Variants in B3GALT1 observed in about 807,000 individuals in gnomAD.
The protein encoded by B3GALT1 is beta-1,3-galactosyltransferase 1.
Under a neutral mutation model 23.2 loss-of-function variants are expected in B3GALT1, and 10 were observed. That is an observed-to-expected ratio of 0.43 (90% CI 0.27 to 0.73). The LOEUF (loss-of-function observed/expected upper bound fraction) is 0.73, where lower values mean the gene tolerates loss of function less well. Among genes scored for constraint, B3GALT1 ranks in the 30% least tolerant of loss-of-function variants. The pLI is 0.21. For synonymous variants in B3GALT1, 156 were observed against 141.5 expected, an observed-to-expected ratio of 1.10 and a Z score of -0.73; for missense variants, 299 against 405.4, an observed-to-expected ratio of 0.74 and a Z score of 2.25.
chr2:167,558,641 C>T (rs1361391034), intron 2 of B3GALT1, among the ~76,000 whole-genome samples: 1 of 152,172 alleles, frequency 6.6e-6, no homozygotes, highest in Non-Finnish European at 1.5e-5. Flanking sequence ...GGAAATGGCG[C>T]ACCAGGAGAT....
rs1269572422 is a variant in B3GALT1, at chr2:167,869,647, T to G, written c.608T>G (p.Phe203Cys). The G allele has an allele frequency of 6.2e-7, 1 of 1,614,204 alleles. No individual in the cohort carries two copies. Among genetic ancestry groups the G allele is most frequent in the Non-Finnish European group, 8.5e-7 (1 of 1,180,038 alleles). The change falls in exon 5 of 5, where the codon TTT becomes TGT. Residue 203 changes from phenylalanine to cysteine, a missense_variant. Physicochemically the swap from Phe to Cys is radical, Grantham distance 205 (BLOSUM62 -2). Transcript: ENST00000392690. This position sits in a 1 kb window ranked among gnomAD's most constrained non-coding sequence, Gnocchi z 6.4. ...TCCACCAAGCCACGAAGAAGGTATTTTACTGGCTATGTCATTAATGGAGGA... is the reference window on the plus strand; with the variant it reads ...TCCACCAAGCCACGAAGAAGGTATTGTACTGGCTATGTCATTAATGGAGGA... Reference protein sequence around the residue: ...KPSTKPRRRYFTGYVINGGPI... With the variant: ...KPSTKPRRRYCTGYVINGGPI...
At chr2:167,475,493 A>C (rs1418483127) in intron 1 of B3GALT1, among the ~76,000 whole-genome samples, 2 of 152,018 alleles carry the variant, frequency 1.3e-5, no homozygotes, top group African/African-American at 4.8e-5. Context: ...GCTAAAATCT[A>C]CAGTAAAAAG....
intron 1 of B3GALT1, among the ~76,000 whole-genome samples, chr2:167,368,705 T>A (rs1391019172): frequency 6.6e-6 from 1 of 152,206 alleles, no homozygotes; most frequent in Non-Finnish European, 1.5e-5. Flanking sequence ...TAAAACGTTA[T>A]ATGATTCACA....
intron 4 of B3GALT1, among the ~76,000 whole-genome samples, chr2:167,848,276 C>T (rs1029410126): frequency 1.3e-5 from 2 of 151,940 alleles, no homozygotes; most frequent in African/African-American, 2.4e-5. Flanking sequence ...AAACCAGGAA[C>T]GGACATAACC....
chr2:167,556,492 G>A (rs1024052093), intron 2 of B3GALT1, among the ~76,000 whole-genome samples: 1 of 152,104 alleles, frequency 6.6e-6, no homozygotes, highest in African/African-American at 2.4e-5. Flanking sequence ...GGGAGATTAA[G>A]TAACATGAGG....
intron 3 of B3GALT1, among the ~76,000 whole-genome samples, chr2:167,752,279 C>T (rs1183053371): frequency 2.0e-5 from 3 of 152,010 alleles, no homozygotes; most frequent in African/African-American, 7.3e-5. Flanking sequence ...AAGAACAATA[C>T]TTTTAACCTT....
chr2:167,759,961 C>T (rs1317270228), intron 3 of B3GALT1, among the ~76,000 whole-genome samples: 1 of 152,086 alleles, frequency 6.6e-6, no homozygotes, highest in South Asian at 2.1e-4. Flanking sequence ...TTTAACTCCT[C>T]CTAGGGAAAG....
chr2:167,500,958 C>A (rs1699840751), intron 2 of B3GALT1, among the ~76,000 whole-genome samples: 1 of 152,052 alleles, frequency 6.6e-6, no homozygotes, highest in Non-Finnish European at 1.5e-5. Context: ...AGACCATTAA[C>A]TATAAATTGG....
chr2:167,426,398 G>C (rs148600249), intron 1 of B3GALT1, among the ~76,000 whole-genome samples: 1 of 151,168 alleles, frequency 6.6e-6, no homozygotes, highest in Non-Finnish European at 1.5e-5. Context: ...GCTCTGCCTC[G>C]CGAGTAGCTG....
chr2:167,584,625 C>T (rs1346815610), intron 2 of B3GALT1, among the ~76,000 whole-genome samples: 1 of 152,156 alleles, frequency 6.6e-6, no homozygotes, highest in African/African-American at 2.4e-5. Flanking sequence ...AATCGCAAGC[C>T]CTAAGTTGTT....
intron 1 of B3GALT1, among the ~76,000 whole-genome samples, chr2:167,436,175 A>C (rs1451171618): frequency 6.6e-6 from 1 of 152,138 alleles, no homozygotes; most frequent in Admixed American, 6.5e-5. Context: ...AGTAGATTCA[A>C]AGTGCTCACC....
chr2:167,495,304 CT>C (rs1273791990), intron 2 of B3GALT1, among the ~76,000 whole-genome samples: 1 of 92,940 alleles, frequency 1.1e-5, no homozygotes, highest in Non-Finnish European at 2.4e-5. Context: ...TGCCATTTTG[CT>C]TTTTTCGCCA....
At chr2:167,839,158 G>A (rs1470194207) in intron 4 of B3GALT1, among the ~76,000 whole-genome samples, 2 of 152,162 alleles carry the variant, frequency 1.3e-5, no homozygotes, top group African/African-American at 2.4e-5. Flanking sequence ...ATTCAACATA[G>A]TGTTGGAAGT....
At chr2:167,530,442 A>G (rs943131301) in intron 2 of B3GALT1, among the ~76,000 whole-genome samples, 1 of 152,200 alleles carries the variant, frequency 6.6e-6, no homozygotes, top group Non-Finnish European at 1.5e-5. Flanking sequence ...ACATTTCTAA[A>G]GGAAAGAATG....
chr2:167,794,992 C>T (rs1470611408), intron 3 of B3GALT1, among the ~76,000 whole-genome samples: 1 of 152,082 alleles, frequency 6.6e-6, no homozygotes, highest in Non-Finnish European at 1.5e-5. Context: ...GCCTCAAGTC[C>T]TTTCTTTCTG....
chr2:167,804,207 C>G lies in B3GALT1; in HGVS notation c.-351-14465C>G, dbSNP rs1193490281. 1.3e-5 allele frequency among the ~76,000 whole-genome samples: 2 copies of G among 152,166 alleles called. 1 individual carries two copies. Among genetic ancestry groups the G allele is most frequent in the Admixed American group, 1.3e-4 (2 of 15,278 alleles). On this transcript the variant is annotated intron_variant, in intron 3 of 4. Transcript: ENST00000392690. ...ATTTCACCACGTTGCCCAGGCTGGTCTCAAACTCCTGACTTCAAGTGATCT... is the reference window on the plus strand; with the variant it reads ...ATTTCACCACGTTGCCCAGGCTGGTGTCAAACTCCTGACTTCAAGTGATCT...
At chr2:167,683,961 C>G (rs1686576332) in intron 3 of B3GALT1, among the ~76,000 whole-genome samples, 1 of 152,166 alleles carries the variant, frequency 6.6e-6, no homozygotes, top group South Asian at 2.1e-4. Flanking sequence ...TCCTTCTTCA[C>G]CAATCTCTTT....
intron 4 of B3GALT1, among the ~76,000 whole-genome samples, chr2:167,867,420 A>C (rs1461862270): frequency 6.6e-6 from 1 of 152,162 alleles, no homozygotes; most frequent in African/African-American, 2.4e-5. Flanking sequence ...TGAAGGCCTA[A>C]CTATGCCTAG....
At chr2:167,685,955 T>C (rs1686611846) in intron 3 of B3GALT1, among the ~76,000 whole-genome samples, 2 of 152,224 alleles carry the variant, frequency 1.3e-5, no homozygotes, top group Non-Finnish European at 1.5e-5. Context: ...TCACTTTTAA[T>C]TTATTTATTA....
Sources: gnomAD v4.1 joint callset for allele counts (sites outside exome capture counted in the v4.1 genomes callset) on GRCh38, gnomAD v4.1.1 for gene constraint, Gnocchi (gnomAD v3.1) non-coding constraint, MANE v1.5 for transcripts, NCBI Gene and HGNC (gene_info 2026-07-23, HGNC 2026-07-21) for gene names.